The following SHISA9 variants were observed in gnomAD, a reference collection of about 807,000 sequenced individuals.
SHISA9 encodes the protein shisa family member 9, also known as protein shisa-9.
Under a neutral mutation model 38.0 loss-of-function variants are expected in SHISA9, and 13 were observed. That is an observed-to-expected ratio of 0.34 (90% CI 0.22 to 0.54). The LOEUF is 0.54. Ranked by LOEUF, SHISA9 falls within the 20% of genes least tolerant of loss-of-function variation. The pLI is 0.91. For synonymous variants in SHISA9, 275 were observed against 242.0 expected, an observed-to-expected ratio of 1.14 and a Z score of -1.27; for missense variants, 538 against 575.8, an observed-to-expected ratio of 0.93 and a Z score of 0.67.
At chr16:13,401,675 G>T in the SHISA9 span, among the ~76,000 whole-genome samples, 1 of 152,222 alleles carries the variant, frequency 6.6e-6, no homozygotes, top group South Asian at 2.1e-4. Flanking sequence ...AAGACAGGAA[G>T]AGGGACCTTA....
At chr16:13,497,438 C>T in the SHISA9 span, among the ~76,000 whole-genome samples, 1 of 152,074 alleles carries the variant, frequency 6.6e-6, no homozygotes, top group Admixed American at 6.6e-5. Flanking sequence ...GTAATCCCAG[C>T]ACTTTGGGAG....
intron 2 of SHISA9, among the ~76,000 whole-genome samples, chr16:13,101,057 G>A (rs1016297474): frequency 6.6e-6 from 1 of 152,156 alleles, no homozygotes; most frequent in Non-Finnish European, 1.5e-5. Flanking sequence ...GTCTTTCCAT[G>A]CCTGGCTTAT....
intron 2 of SHISA9, among the ~76,000 whole-genome samples, chr16:13,113,365 A>T (rs2073999152): frequency 6.6e-6 from 1 of 152,162 alleles, no homozygotes; most frequent in East Asian, 1.9e-4. Flanking sequence ...CTTTGGTAAG[A>T]GGGCTGTCTC....
At chr16:13,453,358 G>T in the SHISA9 span, among the ~76,000 whole-genome samples, 2 of 152,170 alleles carry the variant, frequency 1.3e-5, no homozygotes, top group African/African-American at 2.4e-5. Flanking sequence ...CTGTAATTCT[G>T]TAACTCCCTG....
At chr16:13,047,423 T>C (rs779187837) in intron 2 of SHISA9, among the ~76,000 whole-genome samples, 7 of 152,122 alleles carry the variant, frequency 4.6e-5, no homozygotes, top group Admixed American at 2.0e-4. Context: ...AGCCCCAGAT[T>C]GTGGCAGATT....
At chr16:13,091,071 T>G (rs2073769931) in intron 2 of SHISA9, among the ~76,000 whole-genome samples, 2 of 152,234 alleles carry the variant, frequency 1.3e-5, no homozygotes, top group African/African-American at 4.8e-5. Context: ...TTAGTTTGGC[T>G]GGATATAAAA....
At chr16:13,351,395 C>G in the SHISA9 span, among the ~76,000 whole-genome samples, 14 of 152,130 alleles carry the variant, frequency 9.2e-5, no homozygotes, top group African/African-American at 3.4e-4. Flanking sequence ...GCAGGAAAGG[C>G]AGAGGAGATA....
chr16:13,253,390 A>G, the SHISA9 span, among the ~76,000 whole-genome samples: 1 of 152,146 alleles, frequency 6.6e-6, no homozygotes, highest in Non-Finnish European at 1.5e-5. Flanking sequence ...TACAAGGGAG[A>G]TGGCAGTGTG....
downstream of SHISA9, among the ~76,000 whole-genome samples, chr16:13,241,906 T>C (rs2051438219): frequency 6.6e-6 from 1 of 152,106 alleles, no homozygotes; most frequent in African/African-American, 2.4e-5. Context: ...GTCACTCACA[T>C]CAGAGCCCCA....
the SHISA9 span, among the ~76,000 whole-genome samples, chr16:13,407,324 T>C: frequency 1.3e-5 from 2 of 152,056 alleles, no homozygotes; most frequent in East Asian, 3.9e-4. Context: ...CGCTGGTCTC[T>C]CTCCTGCTTC....
intron 2 of SHISA9, among the ~76,000 whole-genome samples, chr16:13,002,861 G>A (rs923386758): frequency 6.6e-6 from 1 of 152,092 alleles, no homozygotes; most frequent in Non-Finnish European, 1.5e-5. Flanking sequence ...GCTTGCTGGA[G>A]TAGGAATTTA....
At chr16:13,136,056 C>T (rs879913696) in intron 2 of SHISA9, among the ~76,000 whole-genome samples, 18 of 152,186 alleles carry the variant, frequency 1.2e-4, no homozygotes, top group Non-Finnish European at 2.4e-4. Context: ...CACGCTGAAG[C>T]ATATGCTATT....
intron 2 of SHISA9, among the ~76,000 whole-genome samples, chr16:13,004,029 G>A (rs774984192): frequency 6.6e-6 from 1 of 152,194 alleles, no homozygotes; most frequent in Non-Finnish European, 1.5e-5. Context: ...GAACCAATGT[G>A]TTGGGTTCAT....
the SHISA9 span, among the ~76,000 whole-genome samples, chr16:13,273,378 G>A: frequency 2.0e-5 from 3 of 152,128 alleles, no homozygotes; most frequent in Non-Finnish European, 2.9e-5. Flanking sequence ...GGGACCTGGT[G>A]GGAGGTAATT....
chr16:13,146,882 A>G (rs1208684633), intron 2 of SHISA9, among the ~76,000 whole-genome samples: 2 of 152,234 alleles, frequency 1.3e-5, no homozygotes, highest in African/African-American at 2.4e-5. Flanking sequence ...TTTCTGGAGA[A>G]AAGTCTGATT....
At chr16:13,065,783 T>A (rs189648885) in intron 2 of SHISA9, among the ~76,000 whole-genome samples, 109 of 152,360 alleles carry the variant, frequency 7.2e-4, no homozygotes, top group African/African-American at 2.6e-3. Flanking sequence ...TGTCTGGTGC[T>A]CCTAGAATCT....
the SHISA9 span, among the ~76,000 whole-genome samples, chr16:13,365,517 C>A: frequency 1.6e-3 from 210 of 135,284 alleles, 1 homozygote; most frequent in African/African-American, 5.7e-3. Flanking sequence ...AGAACAGTGG[C>A]GGGATCTTGG....
chr16:13,121,842 CA>C (rs2141978498), intron 2 of SHISA9, among the ~76,000 whole-genome samples: 1 of 87,500 alleles, frequency 1.1e-5, no homozygotes, highest in South Asian at 4.4e-4. Context: ...TACACACACA[CA>C]CACACACACA....
chr16:13,350,760 AG>A, the SHISA9 span: 1 of 152,176 alleles, frequency 6.6e-6, no homozygotes, highest in Non-Finnish European at 1.5e-5. Context: ...AGAAAGAGTG[AG>A]GAAAAAACTG....
Sources: gnomAD v4.1 joint callset for allele counts (sites outside exome capture counted in the v4.1 genomes callset) on GRCh38, gnomAD v4.1.1 for gene constraint, MANE v1.5 for transcripts, NCBI Gene and HGNC (gene_info 2026-07-23, HGNC 2026-07-21) for gene names.